Variants in FAM187A observed in about 807,000 individuals in gnomAD.
The protein encoded by FAM187A is family with sequence similarity 187 member A.
FAM187A carries 4 observed loss-of-function variants against 6.4 expected under a neutral mutation model. The observed-to-expected ratio is 0.63, with a 90% CI of 0.31 to 1.44. The LOEUF is 1.44. Ranked by LOEUF, FAM187A falls within the 40% of genes most tolerant of loss-of-function variation. FAM187A has a pLI of 0.07. For missense variants in FAM187A, 463 were observed against 542.2 expected (o/e 0.85, Z 1.45); for synonymous variants, 221 against 213.4 (o/e 1.04, Z -0.31).
At chr17:44,904,050 G>T (rs947116553) in exon 4 of FAM187A, 2 of 1,550,678 alleles carry the variant, frequency 1.3e-6, no homozygotes, top group Non-Finnish European at 1.7e-6. Flanking sequence ...CTAGGTAGCA[G>T]CCACACCAAA....
At chr17:44,903,857 C>T in exon 4 of FAM187A, 2 of 1,538,544 alleles carry the variant, frequency 1.3e-6, no homozygotes, top group Non-Finnish European at 1.8e-6. Flanking sequence ...CACTGTGCTC[C>T]TGTGGGCATG....
rs1055656512 is a variant in FAM187A at position 44,903,643 on chromosome 17, T to G, written c.-187T>G. ...AGGTCTGGAATGTTAGAAGGGCATC[T>G]TGTACATCCACTGGGAATAAATTGC... is the stretch of plus-strand genomic sequence containing the variant. On this transcript the variant is annotated 5_prime_UTR_variant, in exon 4 of 4. Transcript: ENST00000331733. The G allele has an allele frequency of 6.3e-6, 9 of 1,432,520 alleles. No individual in the cohort carries two copies. The African/African-American group carries it at 1.3e-4, about 21-fold the overall frequency. 88.7% of individuals were successfully genotyped at this position (1,432,520 alleles called of 1,614,324 possible). A position where few individuals can be genotyped will look rare whatever the true frequency, so the allele number is the denominator to read the frequency against.
chr17:44,905,042 T>C (rs903896158), exon 4 of FAM187A: 5 of 1,547,578 alleles, frequency 3.2e-6, no homozygotes, highest in Middle Eastern at 1.7e-4. Context: ...CTGCTACTTA[T>C]TTCACTGTTG....
exon 4 of FAM187A, chr17:44,903,963 C>T: frequency 3.9e-6 from 6 of 1,550,640 alleles, no homozygotes; most frequent in Non-Finnish European, 5.2e-6. Flanking sequence ...GCCTACCTGG[C>T]CGACATGAGC....
exon 4 of FAM187A, chr17:44,903,748 C>T: frequency 6.8e-7 from 1 of 1,465,078 alleles, no homozygotes; most frequent in Non-Finnish European, 9.0e-7. Flanking sequence ...GAGGCTTCCG[C>T]TTAGCAGAGC....
At chr17:44,905,059 C>T (rs1273313349) in exon 4 of FAM187A, 2 of 1,541,488 alleles carry the variant, frequency 1.3e-6, no homozygotes, top group African/African-American at 1.4e-5. Flanking sequence ...GTTGTCCCAG[C>T]TTCTCCCCCT....
chr17:44,903,990 A>G, exon 4 of FAM187A: 1 of 1,550,634 alleles, frequency 6.4e-7, no homozygotes, highest in Non-Finnish European at 8.7e-7. Flanking sequence ...CTTCCCTGTC[A>G]CTGCAAACCC....
chr17:44,905,098 T>A, exon 4 of FAM187A: 1 of 1,484,560 alleles, frequency 6.7e-7, no homozygotes, highest in Non-Finnish European at 9.1e-7. Context: ...TGAAGACCAG[T>A]TGTCCTTCAA....
exon 4 of FAM187A, chr17:44,904,807 C>T (rs1363231946): frequency 7.1e-6 from 11 of 1,550,702 alleles, no homozygotes; most frequent in Middle Eastern, 1.7e-4. Context: ...TCATTGACCA[C>T]GGCAACCAGC....
chr17:44,904,188 C>T (rs745718871), exon 4 of FAM187A: 10 of 1,550,520 alleles, frequency 6.4e-6, no homozygotes, highest in Non-Finnish European at 8.7e-6. Flanking sequence ...TCTGAGGACT[C>T]AGGCCTGTAC....
At chr17:44,905,269 T>G in exon 4 of FAM187A, 1 of 592,178 alleles carries the variant, frequency 1.7e-6, no homozygotes, top group Non-Finnish European at 3.1e-6. Context: ...GGTGGGAGAT[T>G]GGGGACTGAG....
exon 4 of FAM187A, chr17:44,904,963 G>T (rs756110199): frequency 1.3e-6 from 2 of 1,550,726 alleles, no homozygotes; most frequent in Non-Finnish European, 1.7e-6. Flanking sequence ...GCTCGGCTGT[G>T]GAGCTCACCC....
chr17:44,905,299 A>G, exon 4 of FAM187A: 1 of 555,590 alleles, frequency 1.8e-6, no homozygotes, highest in Non-Finnish European at 3.3e-6. Flanking sequence ...GAAGTAGGGC[A>G]CATGTGTTTC....
exon 4 of FAM187A, chr17:44,903,916 G>A: frequency 1.9e-6 from 3 of 1,550,586 alleles, no homozygotes; most frequent in Non-Finnish European, 2.6e-6. Flanking sequence ...TTTTTCAGAG[G>A]ACCCCCTGCC....
At chr17:44,904,821 A>G in exon 4 of FAM187A, 1 of 1,550,670 alleles carries the variant, frequency 6.4e-7, no homozygotes, top group Non-Finnish European at 8.7e-7. Context: ...AACCAGCTCC[A>G]CATCCGCTTC....
In FAM187A at chr17:44,903,680, C is replaced by T. The variant is rs187262845; in HGVS notation, c.-150C>T. The T allele has an allele frequency of 3.7e-5, 53 of 1,435,324 alleles. No homozygotes were observed. The East Asian group carries it at 5.5e-4, about 15-fold the overall frequency. The allele number at this position is 1,435,324 out of a possible 1,614,324, so 88.9% of individuals were successfully genotyped here. On this transcript the variant is annotated 5_prime_UTR_variant, in exon 4 of 4. Coordinates refer to ENST00000331733, the Ensembl canonical transcript of FAM187A. ...TGGGAATAAATTGCCTTGCACTTGG[C>T]GGCTTCCTCTGCAGATTGTTGCTGC... is the stretch of plus-strand genomic sequence containing the variant.
rs544659197 is a variant in FAM187A at position 44,904,666 on chromosome 17, G to A, written c.837G>A (p.Gln279=). 4.9e-5 allele frequency: 76 copies of A among 1,550,576 alleles called. No individual in the cohort carries two copies. The East Asian group carries it at 1.8e-3, about 37-fold the overall frequency. ...AGGTGCCCATTCAGTTCCACCAGCA[G>A]AGACTGGGCCATGGACTCATCATCT... Residue 279 remains glutamine, a synonymous_variant, in exon 4 of 4, where the codon CAG becomes CAA. Transcript: ENST00000331733.
In FAM187A at chr17:44,904,462, G is replaced by C. The variant is rs968307242; in HGVS notation, c.633G>C (p.Val211=). The change falls in exon 4 of 4, where the codon GTG becomes GTC. Residue 211 remains valine, a synonymous_variant. Coordinates refer to ENST00000331733, the Ensembl canonical transcript of FAM187A. Reference sequence around the variant, plus strand: ...GCTACCTCAAGGCCGTGCCCGATGTGGTGTCTTGTGGCTCAAGGGCTGTGC... The same window carrying C: ...GCTACCTCAAGGCCGTGCCCGATGTCGTGTCTTGTGGCTCAAGGGCTGTGC... 12 of 1,544,654 alleles carry C rather than the reference G, an allele frequency of 7.8e-6. No individual in the cohort carries two copies. The African/African-American group carries it at 1.4e-4, about 18-fold the overall frequency.
exon 4 of FAM187A, chr17:44,904,521 C>G (rs557958054): frequency 6.5e-7 from 1 of 1,550,362 alleles, no homozygotes; most frequent in Admixed American, 2.0e-5. Flanking sequence ...AGGGACCACA[C>G]GCCTGAGGTG....
Sources: gnomAD v4.1 joint callset for allele counts on GRCh38, gnomAD v4.1.1 for gene constraint, MANE v1.5 for transcripts, NCBI Gene and HGNC (gene_info 2026-07-23, HGNC 2026-07-21) for gene names.